The following BTRC variants were observed in gnomAD, a reference collection of about 807,000 sequenced individuals.
BTRC encodes the protein F-box/WD repeat-containing protein 1A.
In BTRC, 42 loss-of-function variants were observed where a neutral mutation model predicts 85.5. The ratio of observed to expected loss-of-function variants is 0.49; its 90% CI spans 0.38 to 0.64. The LOEUF is 0.64. BTRC is among the 30% of genes least tolerant of loss of function. The pLI, the probability that BTRC is intolerant of heterozygous loss-of-function variation, is 0.00. For missense variants in BTRC, 594 were observed against 743.5 expected, an observed-to-expected ratio of 0.80 and a Z score of 2.34; for synonymous variants, 255 against 263.3, an observed-to-expected ratio of 0.97 and a Z score of 0.30.
intron 5 of BTRC, among the ~76,000 whole-genome samples, chr10:101,525,227 T>C (rs577984243): frequency 6.6e-6 from 1 of 152,328 alleles, no homozygotes; most frequent in East Asian, 1.9e-4. Context: ...GAAGCCCTTC[T>C]GGTTTACACT....
At chr10:101,530,772 T>C (rs918283444) in intron 6 of BTRC, among the ~76,000 whole-genome samples, 1 of 152,252 alleles carries the variant, frequency 6.6e-6, no homozygotes, top group Non-Finnish European at 1.5e-5. Context: ...CTCTTTGACA[T>C]GGGACTCCTG....
At chr10:101,402,882 G>A (rs902037556) in intron 1 of BTRC, among the ~76,000 whole-genome samples, 1 of 152,120 alleles carries the variant, frequency 6.6e-6, no homozygotes, top group Non-Finnish European at 1.5e-5. Context: ...ACAATAGTGT[G>A]AGTTTATATG....
At chr10:101,506,106 G>A (rs1456529140) in intron 4 of BTRC, among the ~76,000 whole-genome samples, 2 of 152,128 alleles carry the variant, frequency 1.3e-5, no homozygotes, top group African/African-American at 4.8e-5. Flanking sequence ...TAGAGACGGG[G>A]TTTCACCATG....
At chr10:101,458,035 C>A (rs1945126187) in intron 2 of BTRC, among the ~76,000 whole-genome samples, 2 of 152,010 alleles carry the variant, frequency 1.3e-5, no homozygotes, top group South Asian at 4.1e-4. Flanking sequence ...CGTAATGTTC[C>A]ATCCCCCCTA....
chr10:101,532,788 G>GTA (rs1564830996), intron 8 of BTRC, among the ~76,000 whole-genome samples, 164 bp from the exon 9 acceptor site: 1 of 76,174 alleles, frequency 1.3e-5, no homozygotes, highest in African/African-American at 1.1e-4. Context: ...GTGTGTGTGT[G>GTA]TGCGCGTGTG....
chr10:101,505,183 T>TC (rs1171061415), intron 4 of BTRC, among the ~76,000 whole-genome samples: 4 of 58,502 alleles, frequency 6.8e-5, no homozygotes, highest in African/African-American at 2.9e-4. Context: ...ATATATTTTT[T>TC]AGTAGACACG....
intron 13 of BTRC, among the ~76,000 whole-genome samples, chr10:101,547,830 G>T (rs1311214243): frequency 6.6e-6 from 1 of 152,078 alleles, no homozygotes; most frequent in Non-Finnish European, 1.5e-5. Flanking sequence ...TTTATGCCAG[G>T]TATGCAAGGC....
intron 4 of BTRC, among the ~76,000 whole-genome samples, chr10:101,517,492 G>A (rs2062038221): frequency 6.6e-6 from 1 of 152,176 alleles, no homozygotes; most frequent in African/African-American, 2.4e-5. Flanking sequence ...TTATCTAAAT[G>A]TGGTACAGTT....
At chr10:101,486,040 G>A (rs182699799) in intron 4 of BTRC, among the ~76,000 whole-genome samples, 9 of 152,258 alleles carry the variant, frequency 5.9e-5, no homozygotes, top group Admixed American at 5.2e-4. Flanking sequence ...GCATTGTTAG[G>A]GCCAAGGAAC....
chr10:101,521,557 G>A, intron 4 of BTRC, 82 bp from the exon 5 acceptor site: 2 of 996,016 alleles, frequency 2.0e-6, no homozygotes, highest in Non-Finnish European at 3.0e-6. Context: ...ACATAATATA[G>A]CATGCCATAC....
chr10:101,492,944 CTAAG>C (rs1172095540), intron 4 of BTRC, among the ~76,000 whole-genome samples: 1 of 152,110 alleles, frequency 6.6e-6, no homozygotes. Context: ...AAGGTAAGTA[CTAAG>C]TGAGATTTTA....
intron 3 of BTRC, 129 bp from the exon 4 acceptor site, chr10:101,479,239 C>A: frequency 4.8e-6 from 3 of 626,492 alleles, no homozygotes; most frequent in Non-Finnish European, 8.0e-6. Flanking sequence ...CCTCTCAGTT[C>A]CCATAAGTCT....
At chr10:101,440,852 A>G (rs1299869519) in intron 2 of BTRC, among the ~76,000 whole-genome samples, 1 of 152,236 alleles carries the variant, frequency 6.6e-6, no homozygotes, top group African/African-American at 2.4e-5. Flanking sequence ...CTTTGAGGTC[A>G]TGCTAGAAAG....
At chr10:101,442,554 A>G (rs1457261332) in intron 2 of BTRC, among the ~76,000 whole-genome samples, 3 of 152,198 alleles carry the variant, frequency 2.0e-5, no homozygotes, top group Non-Finnish European at 4.4e-5. Context: ...ATTAAAAATT[A>G]AGATATATTT....
rs763367456 is a variant in BTRC at position 101,430,413 on chromosome 10, C to G, written c.117C>G (p.Cys39Trp). The change falls in exon 2 of 15, where the codon TGC (cysteine) becomes TGG (tryptophan). Residue 39 changes from cysteine to tryptophan, a missense_variant. By Grantham distance (215) the Cys-to-Trp change is radical. Around this residue, in one of 4 missense-constraint regions of BTRC, gnomAD observed 163 missense variants for 180.5 expected, o/e 0.90. Coordinates refer to ENST00000370187, the MANE Select transcript of BTRC (RefSeq NM_033637.4). ...CGGACAGCATGCCTTCGCTGCGATG[C>G]CTGTATAACCCAGGGACTGGCGCAC... ...SLADSMPSLR[C>W]LYNPGTGALT... The G allele has an allele frequency of 6.2e-7, 1 of 1,614,056 alleles. No individual in the cohort carries two copies. Among genetic ancestry groups the G allele is most frequent in the East Asian group, 2.2e-5 (1 of 44,878 alleles).
intron 1 of BTRC, among the ~76,000 whole-genome samples, chr10:101,385,366 CAAAAA>C (rs10718968): frequency 2.4e-5 from 2 of 82,920 alleles, no homozygotes; most frequent in Non-Finnish European, 5.0e-5. Flanking sequence ...GACTCTGTCT[CAAAAA>C]AAAAAAAAAA....
chr10:101,474,637 T>G (rs1252241594), intron 3 of BTRC, among the ~76,000 whole-genome samples: 1 of 152,236 alleles, frequency 6.6e-6, no homozygotes, highest in Admixed American at 6.5e-5. Context: ...ATTTCTGTTC[T>G]CTATTGCCAG....
At chr10:101,432,684 C>G (rs567208073) in intron 2 of BTRC, among the ~76,000 whole-genome samples, 1 of 152,222 alleles carries the variant, frequency 6.6e-6, no homozygotes, top group Admixed American at 6.5e-5. Flanking sequence ...TTAGAATTCA[C>G]TGAAAACAAT....
intron 4 of BTRC, among the ~76,000 whole-genome samples, chr10:101,491,076 CT>C (rs1564804645): frequency 7.9e-5 from 12 of 151,312 alleles, no homozygotes; most frequent in African/African-American, 2.9e-4. Context: ...AAAAAAAACT[CT>C]CTTTTCTGGG....
Sources: allele counts gnomAD v4.1 joint callset (sites outside exome capture counted in the v4.1 genomes callset), GRCh38; gene constraint gnomAD v4.1.1; regional missense constraint gnomAD v4.1.1; transcripts MANE v1.5; gene names NCBI Gene and HGNC (gene_info 2026-07-23, HGNC 2026-07-21).